SPDYE5: variants seen among roughly 807,000 people sequenced by gnomAD.
SPDYE5 encodes the protein speedy protein E5.
A neutral mutation model predicts 48.5 loss-of-function variants in SPDYE5; 15 were observed. The ratio of observed to expected loss-of-function variants is 0.31; its 90% CI spans 0.21 to 0.48. The LOEUF is 0.48. Ranked by LOEUF, SPDYE5 falls within the 20% of genes least tolerant of loss-of-function variation. The pLI, the probability that SPDYE5 is intolerant of heterozygous loss-of-function variation, is 0.99. For synonymous variants in SPDYE5, 116 were observed against 200.7 expected, an observed-to-expected ratio of 0.58 and a Z score of 3.57; for missense variants, 331 against 549.1, an observed-to-expected ratio of 0.60 and a Z score of 3.97.
chr7:75,500,910 G>A (rs1554483322), intron 6 of SPDYE5, among the ~76,000 whole-genome samples: 1 of 152,082 alleles, frequency 6.6e-6, no homozygotes, highest in Non-Finnish European at 1.5e-5. Context: ...GTTTCTCCGT[G>A]TTGACCAGGC....
At chr7:75,500,226 G>A (rs1157915984) in intron 6 of SPDYE5, among the ~76,000 whole-genome samples, 28 of 143,484 alleles carry the variant, frequency 2.0e-4, no homozygotes, top group Non-Finnish European at 1.5e-5. Context: ...AAGCACACTG[G>A]CTCGCCATCT....
Position 75,495,262 on chromosome 7 carries a change from A to G in SPDYE5, c.267A>G (p.Glu89=), listed in dbSNP as rs62477720. 0.94 allele frequency: 1,334,883 copies of G among 1,418,252 alleles called. 639,473 individuals are homozygous for G. Among genetic ancestry groups the G allele is most frequent in the East Asian group, 0.97 (40,918 of 42,086 alleles). The allele number at this position is 1,418,252 out of a possible 1,614,324, so 87.9% of individuals were successfully genotyped here. ...AGCCGGAGAAGGAGCTCGCCCCTGA[A>G]CCTGAGGAGACCTGGGTAGTGGAGA... is the stretch of plus-strand genomic sequence containing the variant. The part of the protein sequence containing the change: ...AEEPEKELAP[E]PEETWVVEML... The change falls in exon 3 of 9, where the codon GAA becomes GAG. Residue 89 remains glutamate (E), a synonymous_variant. Transcript: ENST00000625065.
At position 75,501,367 on chromosome 7, in the gene SPDYE5, T is replaced by C. The variant is rs1554483397; in HGVS notation, c.761T>C (p.Leu254Pro). 6.2e-7 allele frequency: 1 copy of C among 1,612,208 alleles called. No individual in the cohort carries two copies. The highest frequency in any genetic ancestry group is 8.5e-7 in the Non-Finnish European group (1 of 1,179,910). Residue 254 changes from leucine to proline, a missense_variant, in exon 7 of 9, where the codon CTG becomes CCG. This residue lies in a region of SPDYE5 where 16 missense variants were observed against 58.2 expected (regional missense o/e 0.27). Transcript: ENST00000625065. ...AACCTGATTTCTGTCCTCAGCTACC[T>C]GGCCAATGACATGGAGGAGGACGAC... Reference protein sequence around the residue: ...QRIHFFLALYLANDMEEDDED... With the variant: ...QRIHFFLALYPANDMEEDDED...
intron 3 of SPDYE5, 75 bp downstream of exon 3, chr7:75,495,449 T>C (rs1792889949): frequency 1.3e-6 from 2 of 1,575,440 alleles, no homozygotes; most frequent in East Asian, 4.6e-5. Context: ...ACCACACTTT[T>C]CCAATGGGAA....
intron 3 of SPDYE5, among the ~76,000 whole-genome samples, chr7:75,495,861 G>T (rs1394788106): frequency 2.0e-5 from 3 of 151,994 alleles, no homozygotes; most frequent in Non-Finnish European, 4.4e-5. Flanking sequence ...CCAATATAGC[G>T]AAACCTCATT....
rs1269078449 is a variant in SPDYE5, at chr7:75,492,942, C to G, written c.-422+501C>G. On this transcript the variant is annotated intron_variant, in intron 1 of 8. Coordinates refer to ENST00000625065, the MANE Select transcript of SPDYE5 (RefSeq NM_001306141.4). ...CTCCCAAGTAGTTGGAACACAGGTG[C>G]CAGCCACCACACCTGGCTAATTTGG... 3.9e-5 allele frequency among the ~76,000 whole-genome samples: 6 copies of G among 152,140 alleles called. No homozygotes were observed. In the East Asian group the frequency reaches 1.2e-3, roughly 29 times the overall value.
Position 75,502,000 on chromosome 7 carries a change from G to T in SPDYE5, c.*45+18G>T. 1 of 1,509,178 alleles carries T rather than the reference G, an allele frequency of 6.6e-7. No individual in the cohort carries two copies. The highest frequency in any genetic ancestry group is 9.0e-7 in the Non-Finnish European group (1 of 1,113,050). The allele number at this position is 1,509,178 out of a possible 1,614,324, so 93.5% of individuals were successfully genotyped here. A position where few individuals can be genotyped will look rare whatever the true frequency, so the allele number is the denominator to read the frequency against. On this transcript the variant is annotated intron_variant, in intron 8 of 8. Transcript: ENST00000625065. ...GAGAGAAGGTACATCTGCATCCTCCGGGGTAAAGGCAGAATATTGGGGTCT... is the reference window on the plus strand; with the variant it reads ...GAGAGAAGGTACATCTGCATCCTCCTGGGTAAAGGCAGAATATTGGGGTCT...
At chr7:75,494,355 G>C (rs1198188425) in intron 2 of SPDYE5, 148 bp downstream of exon 2, 1 of 1,299,488 alleles carries the variant, frequency 7.7e-7, no homozygotes, top group Non-Finnish European at 1.0e-6. Flanking sequence ...AGGCCAGCCT[G>C]GCCAATATGG....
rs1355748863 is a variant in SPDYE5 at position 75,494,123 on chromosome 7, C to A, written c.76C>A (p.Pro26Thr). ...GATCACGACCAGCCGTCAACCGCAA[C>A]CCCAGAATGAGCAGAGTCCCCAGCG... ...EKITTSRQPQ[P>T]QNEQSPQRST... is the part of the protein sequence containing the mutation. Residue 26 changes from proline to threonine, a missense_variant, in exon 2 of 9, where the codon CCC (proline) becomes ACC (threonine). Around this residue, in one of 8 missense-constraint regions of SPDYE5, gnomAD observed 67 missense variants for 55.7 expected, o/e 1.20. Transcript: ENST00000625065. 8 of 1,535,308 alleles carry A rather than the reference C, an allele frequency of 5.2e-6. No homozygotes were observed. Among genetic ancestry groups the A allele is most frequent in the African/African-American group, 1.4e-5 (1 of 72,938 alleles).
intron 4 of SPDYE5, 114 bp downstream of exon 4, chr7:75,497,018 T>A (rs1173965112): frequency 1.3e-6 from 1 of 749,536 alleles, no homozygotes; most frequent in Non-Finnish European, 2.2e-6. Flanking sequence ...GAGCTCTCCA[T>A]GTGGGAGGAA....
chr7:75,502,382 G>A (rs1415384997), intron 8 of SPDYE5, among the ~76,000 whole-genome samples: 1 of 152,076 alleles, frequency 6.6e-6, no homozygotes, highest in Non-Finnish European at 1.5e-5. Flanking sequence ...TAACCACGGT[G>A]AGCACAGAGC....
Position 75,494,201 on chromosome 7 carries a change from C to T in SPDYE5, c.154C>T (p.Pro52Ser), listed in dbSNP as rs200801864. 210 of 1,534,572 alleles carry T rather than the reference C, an allele frequency of 1.4e-4. 1 individual carries two copies. In the South Asian group the frequency reaches 1.8e-3, roughly 13 times the overall value. Residue 52 changes from proline (P) to serine (S), a missense_variant, in exon 2 of 9, where the codon CCA (proline) becomes TCA (serine). By Grantham distance (74) the Pro-to-Ser change is moderately conservative. Coordinates refer to ENST00000625065, the MANE Select transcript of SPDYE5 (RefSeq NM_001306141.4). Reference protein sequence around the residue: ...QEVVDDEVLGPSAPGVDPSPP... With the variant: ...QEVVDDEVLGSSAPGVDPSPP... ...GGTGGTGGATGATGAAGTGTTGGGA[C>T]CATCAGGTGAGGGGACTGGTGGAAG...
Position 75,493,608 on chromosome 7 carries a change from C to G in SPDYE5, c.-421-19C>G. 1 of 1,251,600 alleles carries G rather than the reference C, an allele frequency of 8.0e-7. No individual in the cohort carries two copies. The highest frequency in any genetic ancestry group is 3.4e-5 in the South Asian group (1 of 29,072). The allele number at this position is 1,251,600 out of a possible 1,614,324, so 77.5% of individuals were successfully genotyped here. ...GCTTACCCTAGTTTTCTTTCCCACTCTGTTCCCTCTCCCACCAGACTGGAC... is the reference window on the plus strand; with the variant it reads ...GCTTACCCTAGTTTTCTTTCCCACTGTGTTCCCTCTCCCACCAGACTGGAC... On this transcript the variant is annotated intron_variant, in intron 1 of 8. Coordinates refer to ENST00000625065, the MANE Select transcript of SPDYE5 (RefSeq NM_001306141.4).
chr7:75,502,963 G>A lies in SPDYE5; in HGVS notation c.*176G>A. 3.0e-6 allele frequency: 2 copies of A among 656,024 alleles called. No homozygotes were observed. Among genetic ancestry groups the A allele is most frequent in the Middle Eastern group, 5.7e-4 (1 of 1,762 alleles). 40.6% of individuals were successfully genotyped at this position (656,024 alleles called of 1,614,324 possible). A position where few individuals can be genotyped will look rare whatever the true frequency, so the allele number is the denominator to read the frequency against. ...AAGAACCTGGACCATTCTTGATGGA[G>A]CTGAATACAGTGATCACGTTGTCCT... is the stretch of plus-strand genomic sequence containing the variant. On this transcript the variant is annotated 3_prime_UTR_variant, in exon 9 of 9. Transcript: ENST00000625065.
chr7:75,501,816 T>C (rs1213933118), intron 7 of SPDYE5, 61 bp downstream of exon 7: 193 of 1,611,614 alleles, frequency 1.2e-4, no homozygotes, highest in African/African-American at 9.4e-4. Flanking sequence ...GGAGGCTGGA[T>C]GAGGGGAGAG....
intron 2 of SPDYE5, among the ~76,000 whole-genome samples, chr7:75,494,554 G>A (rs1370296756): frequency 3.3e-5 from 5 of 151,392 alleles, no homozygotes; most frequent in Non-Finnish European, 7.4e-5. Context: ...AAGGGTCAGC[G>A]GTCAGGAAGG....
intron 3 of SPDYE5, among the ~76,000 whole-genome samples, 188 bp from the exon 4 acceptor site, chr7:75,496,486 G>A (rs1439737900): frequency 1.4e-5 from 2 of 142,604 alleles, no homozygotes; most frequent in Non-Finnish European, 3.0e-5. Context: ...ACAGAGAAAC[G>A]GGAGAATGGG....
chr7:75,493,690 G>A lies in SPDYE5; in HGVS notation c.-358G>A. 1 of 1,369,130 alleles carries A rather than the reference G, an allele frequency of 7.3e-7. No homozygotes were observed. Among genetic ancestry groups the A allele is most frequent in the Non-Finnish European group, 9.4e-7 (1 of 1,068,170 alleles). The allele number at this position is 1,369,130 out of a possible 1,614,324, so 84.8% of individuals were successfully genotyped here. Reference sequence around the variant, plus strand: ...CCCCAACATGCTTCAGGCTTTGAGTGGAGAGGACACAGCCTCTGCTGGGAC... The same window carrying A: ...CCCCAACATGCTTCAGGCTTTGAGTAGAGAGGACACAGCCTCTGCTGGGAC... On this transcript the variant is annotated 5_prime_UTR_variant, in exon 2 of 9. The change creates a premature stop within an existing upstream ORF in the 5' untranslated region. Transcript: ENST00000625065.
Position 75,502,898 on chromosome 7 carries a change from C to T in SPDYE5, c.*111C>T, listed in dbSNP as rs181346793. 3.8e-5 allele frequency: 36 copies of T among 951,390 alleles called. No individual in the cohort carries two copies. The highest frequency in any genetic ancestry group is 1.5e-4 in the South Asian group (11 of 74,538). 58.9% of individuals were successfully genotyped at this position (951,390 alleles called of 1,614,324 possible). On this transcript the variant is annotated 3_prime_UTR_variant, in exon 9 of 9. Coordinates refer to ENST00000625065, the MANE Select transcript of SPDYE5 (RefSeq NM_001306141.4). Reference sequence around the variant, plus strand: ...TTTATTCCAATGCTAATGGCAGACACCAGGAAGGAGGAGAGGAACCATTTG... The same window carrying T: ...TTTATTCCAATGCTAATGGCAGACATCAGGAAGGAGGAGAGGAACCATTTG...
Sources: gnomAD v4.1 joint callset for allele counts (sites outside exome capture counted in the v4.1 genomes callset) on GRCh38, gnomAD v4.1.1 for gene constraint, gnomAD v4.1.1 regional missense constraint, MANE v1.5 for transcripts, NCBI Gene and HGNC (gene_info 2026-07-23, HGNC 2026-07-21) for gene names.